The following ATG7 variants were observed in gnomAD, a reference collection of about 807,000 sequenced individuals.
The protein encoded by ATG7 is autophagy related 7.
Under a neutral mutation model 82.4 loss-of-function variants are expected in ATG7, and 70 were observed. The ratio of observed to expected loss-of-function variants is 0.85; its 90% CI spans 0.70 to 1.04. The LOEUF is 1.04. ATG7 is among the 50% of genes least tolerant of loss of function. The pLI, the probability that ATG7 is intolerant of heterozygous loss-of-function variation, is 0.00. For missense variants in ATG7, 792 were observed against 864.3 expected (o/e 0.92, Z 1.05); for synonymous variants, 287 against 313.0 (o/e 0.92, Z 0.88).
At chr3:11,442,901 A>G (rs2084139750) in intron 20 of ATG7, among the ~76,000 whole-genome samples, 3 of 152,130 alleles carry the variant, frequency 2.0e-5, no homozygotes, top group Admixed American at 2.0e-4. Flanking sequence ...AGCCTGGGCC[A>G]CAAAGCAAGA....
At chr3:11,488,495 G>A (rs1168372531) in intron 20 of ATG7, 5 of 1,254,732 alleles carry the variant, frequency 4.0e-6, no homozygotes, top group Admixed American at 4.4e-5. Context: ...GGGCCCGCGG[G>A]TGTCAGCGCC....
At chr3:11,527,699 G>A (rs2092614038) in intron 20 of ATG7, among the ~76,000 whole-genome samples, 1 of 152,164 alleles carries the variant, frequency 6.6e-6, no homozygotes, top group Non-Finnish European at 1.5e-5. Flanking sequence ...ATCCTAGAAA[G>A]GATTTTAACT....
chr3:11,490,584 T>C (rs2090242033), intron 20 of ATG7, among the ~76,000 whole-genome samples: 1 of 152,236 alleles, frequency 6.6e-6, no homozygotes, highest in African/African-American at 2.4e-5. Flanking sequence ...CTTTACAATT[T>C]GGCATGATTT....
intron 3 of ATG7, among the ~76,000 whole-genome samples, chr3:11,287,601 T>C (rs1306806642): frequency 2.6e-5 from 4 of 152,252 alleles, no homozygotes; most frequent in Non-Finnish European, 5.9e-5. Context: ...AGAATGCTGC[T>C]GATGCAGTCT....
chr3:11,438,679 A>T (rs1027433511), intron 20 of ATG7, among the ~76,000 whole-genome samples: 2 of 152,204 alleles, frequency 1.3e-5, no homozygotes. Flanking sequence ...ATTGGTAGTT[A>T]TGAATCCCTT....
chr3:11,462,841 TTTTA>T (rs200412655), intron 20 of ATG7, among the ~76,000 whole-genome samples: 44,076 of 134,984 alleles, frequency 0.33, 7,351 homozygotes, highest in Middle Eastern at 0.38. Context: ...TCTCAGATAT[TTTTA>T]TTTATTTATT....
chr3:11,280,781 G>A (rs184926141), intron 1 of ATG7, among the ~76,000 whole-genome samples: 1 of 152,238 alleles, frequency 6.6e-6, no homozygotes, highest in Admixed American at 6.5e-5. Flanking sequence ...CCTGCTCTTA[G>A]CCCCAGCACA....
rs1559709343 is a variant in ATG7 at position 11,479,017 on chromosome 3, C to CACAT, written c.2079+52094_2079+52095insTACA. On this transcript the variant is annotated intron_variant, in intron 20 of 20. Transcript: ENST00000693202. The stretch of plus-strand genomic sequence containing the variant: ...ACACACACACACACACACACACACA[C>CACAT]ACACACACACACACACACACACAAT... Among the ~76,000 whole-genome samples the CACAT allele has an allele frequency of 1.1e-3, 173 of 151,510 alleles. 1 individual carries two copies. Among genetic ancestry groups the CACAT allele is most frequent in the African/African-American group, 3.9e-3 (162 of 41,134 alleles).
intron 19 of ATG7, among the ~76,000 whole-genome samples, chr3:11,400,436 A>G (rs1453972554): frequency 1.3e-5 from 2 of 152,206 alleles, no homozygotes; most frequent in Non-Finnish European, 2.9e-5. Flanking sequence ...GGCCAACTAG[A>G]GCTCAAGTTC....
chr3:11,558,434 A>C, downstream of ATG7: 2 of 1,401,636 alleles, frequency 1.4e-6, no homozygotes, highest in South Asian at 2.9e-5. Flanking sequence ...TGGTTTTTGC[A>C]AATAAACCAT....
intron 9 of ATG7, among the ~76,000 whole-genome samples, chr3:11,320,996 G>T (rs1427314232): frequency 1.3e-5 from 2 of 152,246 alleles, no homozygotes; most frequent in African/African-American, 4.8e-5. Context: ...CGTGACAGGA[G>T]ACAGAATACA....
chr3:11,482,024 GC>G (rs1178534534), intron 20 of ATG7, among the ~76,000 whole-genome samples: 2 of 152,174 alleles, frequency 1.3e-5, no homozygotes, highest in African/African-American at 4.8e-5. Context: ...ATGAAATGGG[GC>G]TTCAAGGAGC....
rs200364263 is a variant in ATG7 at position 11,417,805 on chromosome 3, A to ATTTTTT, written c.1957-8995_1957-8994insTTTTTT. ...AAAAAATTATTATTATTATTATTTT[A>ATTTTTT]TTTTATTTTATTTTTTTTTTTTTTG... On this transcript the variant is annotated intron_variant, in intron 19 of 20. Transcript: ENST00000693202. 5.8e-3 allele frequency among the ~76,000 whole-genome samples: 303 copies of ATTTTTT among 52,600 alleles called. 3 individuals carry two copies. Among genetic ancestry groups the ATTTTTT allele is most frequent in the South Asian group, 0.013 (18 of 1,404 alleles). 34.5% of individuals were successfully genotyped at this position (52,600 alleles called of 152,430 possible). A position where few individuals can be genotyped will look rare whatever the true frequency, so the allele number is the denominator to read the frequency against.
At chr3:11,445,609 CTG>C (rs1034880734) in intron 20 of ATG7, among the ~76,000 whole-genome samples, 7 of 152,140 alleles carry the variant, frequency 4.6e-5, no homozygotes, top group African/African-American at 1.7e-4. Context: ...ATGAAATAAT[CTG>C]TACGACAAGT....
chr3:11,469,829 A>T (rs1439798992), intron 20 of ATG7, among the ~76,000 whole-genome samples: 1 of 151,818 alleles, frequency 6.6e-6, no homozygotes, highest in East Asian at 1.9e-4. Flanking sequence ...TCCACTAAAA[A>T]TACCAAAAAA....
chr3:11,446,651 A>G (rs2084586668), intron 20 of ATG7: 5 of 235,890 alleles, frequency 2.1e-5, no homozygotes, highest in South Asian at 2.0e-4. Context: ...GCCTGACCAG[A>G]CTGAATTCAT....
chr3:11,554,819 C>T lies in ATG7; in HGVS notation c.2088C>T (p.Asp696=), dbSNP rs541310969. Residue 696 remains aspartate (D), a synonymous_variant, in exon 21 of 21, where the codon GAC becomes GAT. Transcript: ENST00000693202. ...HQETQAAEIW[D]MSDDETI The stretch of plus-strand genomic sequence containing the variant: ...TCCCCTTCTCCATGCAGATCTGGGA[C>T]ATGAGCGATGATGAGACCATCTGAG... 1.9e-6 allele frequency: 3 copies of T among 1,613,494 alleles called. No homozygotes were observed. The highest frequency in any genetic ancestry group is 2.2e-5 in the South Asian group (2 of 91,026).
At chr3:11,349,956 A>G (rs1205002998) in intron 14 of ATG7, among the ~76,000 whole-genome samples, 1 of 152,222 alleles carries the variant, frequency 6.6e-6, no homozygotes, top group African/African-American at 2.4e-5. Flanking sequence ...GTCAACCAGC[A>G]AATGATATCC....
intron 20 of ATG7, among the ~76,000 whole-genome samples, chr3:11,546,162 ATTTTTTTTTTTTTTTTTT>A (rs36042370): frequency 4.4e-5 from 3 of 68,858 alleles, no homozygotes; most frequent in Admixed American, 2.4e-4. Context: ...CCAAAACTGG[ATTTTTTTTTTTTTTTTTT>A]TTTTTTTTTG....
Sources: allele counts gnomAD v4.1 joint callset (sites outside exome capture counted in the v4.1 genomes callset), GRCh38; gene constraint gnomAD v4.1.1; transcripts MANE v1.5; gene names NCBI Gene and HGNC (gene_info 2026-07-23, HGNC 2026-07-21).